Variants in TAFA4 observed in about 807,000 individuals in gnomAD.
TAFA4 encodes TAFA chemokine like family member 4.
A neutral mutation model predicts 21.1 loss-of-function variants in TAFA4; 20 were observed. The ratio of observed to expected loss-of-function variants is 0.95; its 90% CI spans 0.67 to 1.38. The LOEUF is 1.38. TAFA4 is among the 40% of genes most tolerant of loss of function. The probability of loss-of-function intolerance (pLI) is 0.00; values close to 1 mark genes in which losing one functional copy is unlikely to be tolerated. For synonymous variants in TAFA4, 71 were observed against 67.4 expected (o/e 1.05, Z -0.26); for missense variants, 211 against 180.9 (o/e 1.17, Z -0.95).
chr3:68,733,159 A>G lies in TAFA4; in HGVS notation c.412-6T>C, dbSNP rs373615803. ...TCTCTTCGCTACCGCGTTACCTAAA[A>G]CAAATCAAAATAAGGGAACATTCAA... On this transcript the variant is annotated splice_region_variant and splice_polypyrimidine_tract_variant and intron_variant, in intron 5 of 5. Transcript: ENST00000295569. 1 of 1,613,096 alleles carries G rather than the reference A, an allele frequency of 6.2e-7. No homozygotes were observed.
chr3:68,831,360 G>GA (rs1239984899), intron 3 of TAFA4, among the ~76,000 whole-genome samples: 1 of 152,110 alleles, frequency 6.6e-6, no homozygotes, highest in Non-Finnish European at 1.5e-5. Context: ...CTTCCTTCAG[G>GA]AGCTCTTGTA....
At chr3:68,890,701 C>T (rs115234587) in intron 1 of TAFA4, among the ~76,000 whole-genome samples, 1 of 152,276 alleles carries the variant, frequency 6.6e-6, no homozygotes, top group Non-Finnish European at 1.5e-5. Flanking sequence ...ACCAAGGTAC[C>T]TACAGTTTCA....
At chr3:68,825,934 C>A (rs897929704) in intron 3 of TAFA4, among the ~76,000 whole-genome samples, 1 of 152,106 alleles carries the variant, frequency 6.6e-6, no homozygotes, top group Non-Finnish European at 1.5e-5. Flanking sequence ...TGTCAGTTAC[C>A]CAGGCCAAAG....
intron 1 of TAFA4, among the ~76,000 whole-genome samples, chr3:68,912,453 A>G (rs1361744323): frequency 6.6e-6 from 1 of 152,210 alleles, no homozygotes; most frequent in Non-Finnish European, 1.5e-5. Context: ...TTAATTTGAA[A>G]TGGGATGAGC....
At chr3:68,788,686 A>G (rs1703308194) in intron 3 of TAFA4, among the ~76,000 whole-genome samples, 1 of 152,112 alleles carries the variant, frequency 6.6e-6, no homozygotes, top group Non-Finnish European at 1.5e-5. Context: ...ATCATAGATC[A>G]CTGCAGCCTC....
intron 1 of TAFA4, among the ~76,000 whole-genome samples, chr3:68,903,601 C>A (rs2089865962): frequency 6.6e-6 from 1 of 152,144 alleles, no homozygotes; most frequent in South Asian, 2.1e-4. Context: ...ACTACATTTC[C>A]ATATAATGGC....
At chr3:68,829,104 A>C (rs2106875356) in intron 3 of TAFA4, among the ~76,000 whole-genome samples, 1 of 152,274 alleles carries the variant, frequency 6.6e-6, no homozygotes, top group East Asian at 1.9e-4. Flanking sequence ...AATTCTAAGC[A>C]AAAAGAACAA....
At chr3:68,849,061 G>A (rs758349390) in intron 3 of TAFA4, among the ~76,000 whole-genome samples, 1 of 152,104 alleles carries the variant, frequency 6.6e-6, no homozygotes, top group Non-Finnish European at 1.5e-5. Context: ...AATTCTTCCT[G>A]ATAAAAATAC....
chr3:68,846,992 G>A (rs113872238), intron 3 of TAFA4, among the ~76,000 whole-genome samples: 20,000 of 152,082 alleles, frequency 0.13, 1,707 homozygotes, highest in African/African-American at 0.24. Context: ...GAGGCATGGG[G>A]GTCAGGGACC....
intron 3 of TAFA4, among the ~76,000 whole-genome samples, chr3:68,788,988 C>T (rs988777967): frequency 1.3e-5 from 2 of 152,052 alleles, no homozygotes; most frequent in Admixed American, 1.3e-4. Flanking sequence ...AATCCCAGCA[C>T]TTTGGGAGGC....
At chr3:68,819,093 C>T (rs1352048895) in intron 3 of TAFA4, among the ~76,000 whole-genome samples, 6 of 151,960 alleles carry the variant, frequency 3.9e-5, no homozygotes, top group African/African-American at 7.3e-5. Flanking sequence ...GGCAACATGG[C>T]GAAAGCCCAT....
At chr3:68,817,051 T>G (rs1013386246) in intron 3 of TAFA4, among the ~76,000 whole-genome samples, 3 of 152,218 alleles carry the variant, frequency 2.0e-5, no homozygotes, top group African/African-American at 7.2e-5. Flanking sequence ...ATTAACTCTT[T>G]CATGAAAGAT....
intron 3 of TAFA4, among the ~76,000 whole-genome samples, chr3:68,840,472 C>G (rs938978088): frequency 6.6e-6 from 1 of 152,206 alleles, no homozygotes; most frequent in African/African-American, 2.4e-5. Context: ...CCACCTCAGC[C>G]TCCCAAATTG....
intron 3 of TAFA4, among the ~76,000 whole-genome samples, chr3:68,800,225 T>C (rs1282367940): frequency 2.0e-5 from 3 of 152,110 alleles, no homozygotes; most frequent in Non-Finnish European, 4.4e-5. Context: ...GAAAAAAATG[T>C]CTTTCACAAA....
Position 68,791,993 on chromosome 3 carries a change from A to T in TAFA4, c.131-38975T>A, listed in dbSNP as rs148338081. On this transcript the variant is annotated intron_variant, in intron 3 of 5. Coordinates refer to ENST00000295569, the MANE Select transcript of TAFA4 (RefSeq NM_182522.5). ...AGGCAGAGATTTAGATTCTAAAAAA[A>T]AACTCTGAGACTGTCAGAAAATTCA... is the stretch of plus-strand genomic sequence containing the variant. Among the ~76,000 whole-genome samples the T allele has an allele frequency of 2.3e-3, 351 of 152,340 alleles. 1 individual carries two copies. The highest frequency in any genetic ancestry group is 3.9e-3 in the Non-Finnish European group (264 of 68,022).
intron 3 of TAFA4, among the ~76,000 whole-genome samples, chr3:68,799,201 T>C (rs1703519886): frequency 6.6e-6 from 1 of 152,212 alleles, no homozygotes; most frequent in African/African-American, 2.4e-5. Context: ...GCTGTAACAA[T>C]ATATCATAAT....
intron 3 of TAFA4, among the ~76,000 whole-genome samples, chr3:68,801,817 A>T (rs1273409623): frequency 1.3e-5 from 2 of 152,202 alleles, no homozygotes; most frequent in Non-Finnish European, 2.9e-5. Context: ...GCCAGATTTG[A>T]TCAAAGTTTA....
intron 1 of TAFA4, among the ~76,000 whole-genome samples, chr3:68,905,083 A>G (rs73093134): frequency 0.23 from 35,511 of 151,220 alleles, 5,244 homozygotes; most frequent in Non-Finnish European, 0.33. Context: ...TTGAGCCCCA[A>G]CTATGTGCTA....
chr3:68,920,033 A>G (rs9843003), intron 1 of TAFA4, among the ~76,000 whole-genome samples: 39,054 of 152,106 alleles, frequency 0.26, 5,332 homozygotes, highest in African/African-American at 0.35. Flanking sequence ...AGTTAACACC[A>G]TATATGACTT....
Sources: allele counts gnomAD v4.1 joint callset (sites outside exome capture counted in the v4.1 genomes callset), GRCh38; gene constraint gnomAD v4.1.1; transcripts MANE v1.5; gene names NCBI Gene and HGNC (gene_info 2026-07-23, HGNC 2026-07-21).